Variants in GRIP1 observed in about 807,000 individuals in gnomAD.
GRIP1 encodes glutamate receptor interacting protein 1.
A neutral mutation model predicts 129.9 loss-of-function variants in GRIP1; 45 were observed. The ratio of observed to expected loss-of-function variants is 0.35; its 90% CI spans 0.27 to 0.44. The LOEUF is 0.44. GRIP1 is among the 20% of genes least tolerant of loss of function. GRIP1 has a pLI of 1.00. For missense variants in GRIP1, 1,196 were observed against 1,396.8 expected (o/e 0.86, Z 2.29); for synonymous variants, 530 against 520.8 (o/e 1.02, Z -0.24).
chr12:66,497,810 T>TC (rs1378374436), intron 7 of GRIP1, among the ~76,000 whole-genome samples: 2 of 152,076 alleles, frequency 1.3e-5, no homozygotes, highest in Non-Finnish European at 2.9e-5. Context: ...AGCCATCGCA[T>TC]CCCCTGTGAC....
chr12:66,832,922 C>T (rs2039544180), intron 1 of GRIP1, among the ~76,000 whole-genome samples: 1 of 152,172 alleles, frequency 6.6e-6, no homozygotes, highest in African/African-American at 2.4e-5. Context: ...AACATGAACA[C>T]AGACACCTAA....
intron 1 of GRIP1, among the ~76,000 whole-genome samples, chr12:67,058,997 T>C (rs1222786876): frequency 6.6e-6 from 1 of 152,232 alleles, no homozygotes; most frequent in Non-Finnish European, 1.5e-5. Flanking sequence ...CTAACATCTG[T>C]GTATCTTTGA....
At chr12:66,449,443 A>AG (rs2058715803) in intron 11 of GRIP1, among the ~76,000 whole-genome samples, 1 of 152,162 alleles carries the variant, frequency 6.6e-6, no homozygotes, top group African/African-American at 2.4e-5. Context: ...AGGAGGAGTA[A>AG]GAAAAAAAAT....
intron 1 of GRIP1, among the ~76,000 whole-genome samples, chr12:66,650,421 C>T (rs2032710302): frequency 6.6e-6 from 1 of 152,012 alleles, no homozygotes; most frequent in Admixed American, 6.6e-5. Flanking sequence ...CAGTCTGACT[C>T]AAGAAATTAT....
At chr12:66,992,271 A>G (rs1193619189) in intron 1 of GRIP1, among the ~76,000 whole-genome samples, 1 of 152,218 alleles carries the variant, frequency 6.6e-6, no homozygotes, top group Non-Finnish European at 1.5e-5. Flanking sequence ...TGATTTTAAG[A>G]TAATTCAGTA....
At chr12:66,635,603 T>C (rs944352772) in intron 1 of GRIP1, among the ~76,000 whole-genome samples, 1 of 152,094 alleles carries the variant, frequency 6.6e-6, no homozygotes, top group Non-Finnish European at 1.5e-5. Context: ...AATTCCATTA[T>C]ATTAAGGGCT....
At chr12:66,854,658 T>C (rs924754212) in intron 1 of GRIP1, among the ~76,000 whole-genome samples, 4 of 152,040 alleles carry the variant, frequency 2.6e-5, no homozygotes, top group African/African-American at 9.7e-5. Context: ...GTAAGTATAA[T>C]AGTAAGACAG....
chr12:66,355,694 G>A (rs1469251844), intron 23 of GRIP1, among the ~76,000 whole-genome samples: 1 of 152,142 alleles, frequency 6.6e-6, no homozygotes, highest in Non-Finnish European at 1.5e-5. Context: ...AGACTTTGCT[G>A]GTGGCCTGGG....
At chr12:66,611,827 G>A (rs1322841761) in intron 1 of GRIP1, among the ~76,000 whole-genome samples, 2 of 152,042 alleles carry the variant, frequency 1.3e-5, no homozygotes, top group African/African-American at 4.8e-5. Context: ...GTGCATATAT[G>A]TATTACACAA....
chr12:66,734,060 A>G (rs1477445489), intron 1 of GRIP1, among the ~76,000 whole-genome samples: 1 of 152,228 alleles, frequency 6.6e-6, no homozygotes, highest in East Asian at 1.9e-4. Context: ...CAAAAGCAGC[A>G]GGAATCAAAG....
intron 1 of GRIP1, among the ~76,000 whole-genome samples, chr12:66,896,953 G>A (rs1363762072): frequency 2.0e-5 from 3 of 152,202 alleles, no homozygotes; most frequent in African/African-American, 4.8e-5. Flanking sequence ...AAGGCAACAC[G>A]AAGCTGCTCT....
Position 66,459,995 on chromosome 12 carries a change from C to G in GRIP1, c.1042+2929G>C, listed in dbSNP as rs114370563. ...TACTTATTATATACTAGGCACTGTGCTAGGTGCTTTTTCATGGATTAGCTC... is the reference window on the plus strand; with the variant it reads ...TACTTATTATATACTAGGCACTGTGGTAGGTGCTTTTTCATGGATTAGCTC... On this transcript the variant is annotated intron_variant, in intron 9 of 24. Transcript: ENST00000359742. 2.9e-3 allele frequency among the ~76,000 whole-genome samples: 440 copies of G among 152,256 alleles called. 4 individuals carry two copies. The highest frequency in any genetic ancestry group is 0.01 in the African/African-American group (429 of 41,554).
chr12:66,703,696 C>T (rs1222236961), intron 1 of GRIP1, among the ~76,000 whole-genome samples: 2 of 151,990 alleles, frequency 1.3e-5, no homozygotes, highest in Non-Finnish European at 2.9e-5. Context: ...ATTCACAGAA[C>T]AAGAGATAAG....
intron 1 of GRIP1, among the ~76,000 whole-genome samples, chr12:66,930,124 A>T (rs1335232578): frequency 3.0e-5 from 4 of 133,610 alleles, no homozygotes; most frequent in East Asian, 2.2e-4. Context: ...TTATTATTAC[A>T]CTTTAAGTTT....
At chr12:66,902,052 G>T (rs1035633356) in intron 1 of GRIP1, among the ~76,000 whole-genome samples, 7 of 152,182 alleles carry the variant, frequency 4.6e-5, no homozygotes, top group African/African-American at 1.4e-4. Flanking sequence ...ATGATTCACT[G>T]GGCAAGGGTA....
intron 1 of GRIP1, among the ~76,000 whole-genome samples, chr12:66,857,742 T>A (rs995067414): frequency 1.3e-4 from 19 of 151,814 alleles, no homozygotes; most frequent in African/African-American, 4.6e-4. Flanking sequence ...AGGCATATCA[T>A]CATATAAATT....
intron 1 of GRIP1, among the ~76,000 whole-genome samples, chr12:66,867,206 C>T (rs935873113): frequency 3.9e-5 from 6 of 152,068 alleles, no homozygotes; most frequent in Admixed American, 3.9e-4. Context: ...CCAGGCTGGT[C>T]TCAAACTCCT....
intron 1 of GRIP1, among the ~76,000 whole-genome samples, chr12:66,665,092 G>T (rs1293713051): frequency 6.6e-6 from 1 of 152,068 alleles, no homozygotes; most frequent in Non-Finnish European, 1.5e-5. Flanking sequence ...CTGCTCACCA[G>T]TGTAGTCTCG....
intron 1 of GRIP1, among the ~76,000 whole-genome samples, chr12:66,978,993 G>A (rs1398408518): frequency 4.0e-5 from 6 of 151,824 alleles, no homozygotes; most frequent in Non-Finnish European, 5.9e-5. Context: ...TATGCCTCCA[G>A]CAGCATGCCT....
Sources: allele counts gnomAD v4.1 joint callset (sites outside exome capture counted in the v4.1 genomes callset), GRCh38; gene constraint gnomAD v4.1.1; transcripts MANE v1.5; gene names NCBI Gene and HGNC (gene_info 2026-07-23, HGNC 2026-07-21).